The following FCN3 variants were observed in gnomAD, a reference collection of about 807,000 sequenced individuals.
FCN3 encodes ficolin 3.
FCN3 carries 28 observed loss-of-function variants against 31.5 expected under a neutral mutation model. The observed-to-expected ratio is 0.89, with a 90% CI of 0.66 to 1.22. The LOEUF is 1.22. Ranked by LOEUF, FCN3 falls within the 50% of genes most tolerant of loss-of-function variation. The pLI is 0.00. For synonymous variants in FCN3, 124 were observed against 147.4 expected, an observed-to-expected ratio of 0.84 and a Z score of 1.15; for missense variants, 351 against 386.8, an observed-to-expected ratio of 0.91 and a Z score of 0.78.
intron 5 of FCN3, among the ~76,000 whole-genome samples, chr1:27,372,487 A>T (rs1168586927): frequency 6.6e-6 from 1 of 152,164 alleles, no homozygotes; most frequent in African/African-American, 2.4e-5. Context: ...ACCTCAGGTG[A>T]TCTGCCCGCC....
Position 27,373,985 on chromosome 1 carries a change from A to T in FCN3, c.212T>A (p.Met71Lys), listed in dbSNP as rs1557577849. The T allele has an allele frequency of 1.2e-6, 2 of 1,613,788 alleles. No individual in the cohort carries two copies. The highest frequency in any genetic ancestry group is 1.1e-5 in the South Asian group (1 of 91,082). Residue 71 changes from methionine to lysine, a missense_variant, in exon 3 of 8, where the codon ATG (methionine) becomes AAG (lysine). Coordinates refer to ENST00000270879, the MANE Select transcript of FCN3 (RefSeq NM_003665.4). ...PQGPPGPPGK[M>K]GPKGEPGDPV... Reference sequence around the variant, plus strand: ...CTCACCTGGCTCACCCTTGGGGCCCATCTTGCCTGGTGGTCCAGGTGGCCC... The same window carrying T: ...CTCACCTGGCTCACCCTTGGGGCCCTTCTTGCCTGGTGGTCCAGGTGGCCC...
chr1:27,373,912 G>A, intron 3 of FCN3, 53 bp downstream of exon 3: 2 of 1,500,460 alleles, frequency 1.3e-6, no homozygotes, highest in South Asian at 1.1e-5. Context: ...CCACCCTAGA[G>A]TCCAGGGACA....
At chr1:27,371,769 A>T (rs1272173347) in intron 5 of FCN3, among the ~76,000 whole-genome samples, 1 of 151,244 alleles carries the variant, frequency 6.6e-6, no homozygotes, top group Non-Finnish European at 1.5e-5. Flanking sequence ...TTATTTATTT[A>T]TTTTTTTGAG....
chr1:27,373,671 G>A lies in FCN3; in HGVS notation c.233-151C>T, dbSNP rs1336494606. The A allele has an allele frequency of 1.4e-5, 11 of 813,734 alleles. No homozygotes were observed. In the African/African-American group the frequency reaches 1.7e-4, roughly 13 times the overall value. The allele number at this position is 813,734 out of a possible 1,614,324, so 50.4% of individuals were successfully genotyped here. ...TAGGAGGGCCATCATAGGGTACCCA[G>A]GCCCTTCTCCTAATCCTCTCCACTC... On this transcript the variant is annotated intron_variant, in intron 3 of 7. Coordinates refer to ENST00000270879, the MANE Select transcript of FCN3 (RefSeq NM_003665.4).
At chr1:27,370,444 G>GT (rs2016121787) in intron 7 of FCN3, 152 bp downstream of exon 7, 2 of 690,562 alleles carry the variant, frequency 2.9e-6, no homozygotes, top group Admixed American at 2.9e-5. Flanking sequence ...ATTCTTCACT[G>GT]TTGCACCATC....
In FCN3 at chr1:27,374,409, C is replaced by T. The variant is rs764269218; in HGVS notation, c.134G>A (p.Ser45Asn). Residue 45 changes from serine to asparagine, a missense_variant, in exon 2 of 8, where the codon AGT becomes AAT. By Grantham distance (46) the Ser-to-Asn change is conservative. Coordinates refer to ENST00000270879, the MANE Select transcript of FCN3 (RefSeq NM_003665.4). ...AGGACTTCCTGGAGCTCCGGGACAA[C>T]TGGGCAGGAGGACAACTTTGCTGGC... The part of the protein sequence containing the change: ...LEASKVVLLP[S>N]CPGAPGSPGE... 6.2e-7 allele frequency: 1 copy of T among 1,613,962 alleles called. No individual in the cohort carries two copies. The highest frequency in any genetic ancestry group is 1.1e-5 in the South Asian group (1 of 91,082).
In FCN3 at chr1:27,374,300, T is replaced by C. The variant is rs2016206729; in HGVS notation, c.187+56A>G. 3.8e-6 allele frequency: 5 copies of C among 1,325,204 alleles called. No homozygotes were observed. The South Asian group carries it at 4.8e-5, about 13-fold the overall frequency. The allele number at this position is 1,325,204 out of a possible 1,614,324, so 82.1% of individuals were successfully genotyped here. On this transcript the variant is annotated intron_variant, in intron 2 of 7. Coordinates refer to ENST00000270879, the MANE Select transcript of FCN3 (RefSeq NM_003665.4). ...GCCCCTCAGCACAGACAAAAATTGC[T>C]ACTTTCCTGCCTTCCCCATTCCCAA... is the stretch of plus-strand genomic sequence containing the variant.
At chr1:27,373,733 A>T in intron 3 of FCN3, 1 of 638,676 alleles carries the variant, frequency 1.6e-6, no homozygotes, top group Non-Finnish European at 2.7e-6. Context: ...GGGCCTTCAT[A>T]GGGTACCCAG....
At chr1:27,372,761 C>T (rs1000151649) in intron 5 of FCN3, among the ~76,000 whole-genome samples, 1 of 147,830 alleles carries the variant, frequency 6.8e-6, no homozygotes, top group Non-Finnish European at 1.5e-5. Flanking sequence ...CTGGAATGCC[C>T]CTCCCTACCC....
In FCN3 at chr1:27,372,094, G is replaced by C. The variant is rs147795062; in HGVS notation, c.393+1042C>G. On this transcript the variant is annotated intron_variant, in intron 5 of 7. Transcript: ENST00000270879. Reference sequence around the variant, plus strand: ...TGTCTTTACTGCCTGGCTCCTTGCTGTCTTCCTAAACCATGTCCCTGCCTC... The same window carrying C: ...TGTCTTTACTGCCTGGCTCCTTGCTCTCTTCCTAAACCATGTCCCTGCCTC... Among the ~76,000 whole-genome samples the C allele has an allele frequency of 5.2e-3, 792 of 152,106 alleles. 5 individuals are homozygous for C. Among genetic ancestry groups the C allele is most frequent in the African/African-American group, 0.018 (729 of 41,476 alleles).
intron 5 of FCN3, 81 bp from the exon 6 acceptor site, chr1:27,371,053 G>T: frequency 7.3e-7 from 1 of 1,368,184 alleles, no homozygotes. Flanking sequence ...AGGGGTGGGT[G>T]GATACCCACT....
intron 1 of FCN3, 79 bp downstream of exon 1, chr1:27,374,649 G>A (rs1045351357): frequency 4.4e-6 from 4 of 901,234 alleles, no homozygotes; most frequent in Middle Eastern, 2.6e-4. Context: ...TGCTCCTTGA[G>A]GTTGATGAGC....
intron 5 of FCN3, 31 bp from the exon 6 acceptor site, chr1:27,371,003 T>C: frequency 6.2e-7 from 1 of 1,604,902 alleles, no homozygotes; most frequent in Admixed American, 1.7e-5. Flanking sequence ...CAGCTATTAC[T>C]CCAGGCTGGG....
At position 27,370,866 on chromosome 1, in the gene FCN3, T is replaced by G. The variant is rs769028499; in HGVS notation, c.500A>C (p.Asn167Thr). Residue 167 changes from asparagine to threonine, a missense_variant, in exon 6 of 8, where the codon AAT (asparagine) becomes ACT (threonine). Transcript: ENST00000270879. ...QESEFWLGNE[N>T]LHQLTLQGNW... is the part of the protein sequence containing the mutation. ...ACCCTGGAGAGTAAGCTGGTGCAAA[T>G]TCTCATTTCCCAGCCAGAATTCAGA... 2 of 1,613,928 alleles carry G rather than the reference T, an allele frequency of 1.2e-6. No homozygotes were observed.
In FCN3 at chr1:27,369,465, C is replaced by T. The variant is rs1045183385; in HGVS notation, c.671G>A (p.Ser224Asn). 6.2e-7 allele frequency: 1 copy of T among 1,614,020 alleles called. No individual in the cohort carries two copies. The change falls in exon 8 of 8, where the codon AGC becomes AAC. Residue 224 changes from serine to asparagine, a missense_variant. Physicochemically the swap from Ser to Asn is conservative, Grantham distance 46. Coordinates refer to ENST00000270879, the MANE Select transcript of FCN3 (RefSeq NM_003665.4). ...FSEGTAGDSL[S>N]LHSGRPFTTY... is the part of the protein sequence containing the mutation. ...GGTAAAGGGCCTCCCACTGTGGAGG[C>T]TCAGGGAATCCCCTAGCAGGGAAGG... is the stretch of plus-strand genomic sequence containing the variant.
In FCN3 at chr1:27,370,584, A is replaced by T; in HGVS notation, c.658+12T>A. ...CCAGCCTCCTTCCTCTGCTCCCCTTAGGCTCACTCACCTGCAGTGCCCTCT... is the reference window on the plus strand; with the variant it reads ...CCAGCCTCCTTCCTCTGCTCCCCTTTGGCTCACTCACCTGCAGTGCCCTCT... On this transcript the variant is annotated intron_variant, in intron 7 of 7. Transcript: ENST00000270879. 2 of 1,612,252 alleles carry T rather than the reference A, an allele frequency of 1.2e-6. No individual in the cohort carries two copies. Among genetic ancestry groups the T allele is most frequent in the Non-Finnish European group, 1.7e-6 (2 of 1,178,482 alleles).
chr1:27,370,954 C>T lies in FCN3; in HGVS notation c.412G>A (p.Asp138Asn). The T allele has an allele frequency of 6.2e-7, 1 of 1,612,960 alleles. No individual in the cohort carries two copies. The highest frequency in any genetic ancestry group is 8.5e-7 in the Non-Finnish European group (1 of 1,179,826). ...GAGCGGAAGAAATCCACAGAACCAT[C>T]CTGGCGCCTCTGAAACACCTGGGGG... is the stretch of plus-strand genomic sequence containing the variant. ...GGWLVFQRRQ[D>N]GSVDFFRSWS... Residue 138 changes from aspartate (D) to asparagine (N), a missense_variant, in exon 6 of 8, where the codon GAT becomes AAT. Transcript: ENST00000270879.
intron 1 of FCN3, 47 bp downstream of exon 1, chr1:27,374,681 G>T: frequency 8.6e-7 from 1 of 1,159,956 alleles, no homozygotes; most frequent in Non-Finnish European, 1.2e-6. Flanking sequence ...GACACCCAGC[G>T]AGGGAATGAG....
chr1:27,373,885 G>A, intron 3 of FCN3, 80 bp downstream of exon 3: 1 of 1,245,402 alleles, frequency 8.0e-7, no homozygotes, highest in Non-Finnish European at 1.2e-6. Flanking sequence ...CATAGGCACA[G>A]CAGCCAAGCA....
Sources: allele counts gnomAD v4.1 joint callset (sites outside exome capture counted in the v4.1 genomes callset), GRCh38; gene constraint gnomAD v4.1.1; transcripts MANE v1.5; gene names NCBI Gene and HGNC (gene_info 2026-07-23, HGNC 2026-07-21).